GOLGA8H: variants seen among roughly 807,000 people sequenced by gnomAD.
The protein encoded by GOLGA8H is golgin subfamily A member 8H.
GOLGA8H carries 47 observed loss-of-function variants against 82.7 expected under a neutral mutation model. That is an observed-to-expected ratio of 0.57 (90% CI 0.45 to 0.73). The LOEUF is 0.73. GOLGA8H is among the 30% of genes least tolerant of loss of function. The probability of loss-of-function intolerance (pLI) is 0.00; values close to 1 mark genes in which losing one functional copy is unlikely to be tolerated. For missense variants in GOLGA8H, 372 were observed against 661.0 expected (o/e 0.56, Z 4.79); for synonymous variants, 108 against 241.6 (o/e 0.45, Z 5.13).
In GOLGA8H at chr15:30,614,721, TAAAAG is replaced by T. The variant is rs1358905540; in HGVS notation, c.*162_*166del. ...AGTTTTAAGTTTATTTGTAAAAAGT[TAAAAG>T]AGAGTGGGTGTCTGTGGCTCTCACT... On this transcript the variant is annotated 3_prime_UTR_variant, in exon 19 of 19. Transcript: ENST00000566740. 1.4e-5 allele frequency among the ~76,000 whole-genome samples: 2 copies of T among 147,336 alleles called. No homozygotes were observed. Among genetic ancestry groups the T allele is most frequent in the African/African-American group, 5.0e-5 (2 of 39,954 alleles).
At chr15:30,612,512 C>G in intron 13 of GOLGA8H, 85 bp from the exon 14 acceptor site, 1 of 1,303,130 alleles carries the variant, frequency 7.7e-7, no homozygotes. Context: ...GCAGGAGACC[C>G]AGGGGAGGGA....
At chr15:30,608,407 G>T in intron 6 of GOLGA8H, 29 bp downstream of exon 6, 5 of 1,571,506 alleles carry the variant, frequency 3.2e-6, no homozygotes, top group Non-Finnish European at 4.3e-6. Flanking sequence ...GTTTCCTCCT[G>T]TCCTCCGGAG....
In GOLGA8H at chr15:30,613,380, G is replaced by C. The variant is rs1457828016; in HGVS notation, c.1368+185G>C. Among the ~76,000 whole-genome samples the C allele has an allele frequency of 5.3e-5, 5 of 93,544 alleles. 1 individual carries two copies. The highest frequency in any genetic ancestry group is 9.5e-5 in the Admixed American group (1 of 10,532). 61.4% of individuals were successfully genotyped at this position (93,544 alleles called of 152,430 possible). A position where few individuals can be genotyped will look rare whatever the true frequency, so the allele number is the denominator to read the frequency against. On this transcript the variant is annotated intron_variant, in intron 15 of 18. Transcript: ENST00000566740. Reference sequence around the variant, plus strand: ...ACTCTCTGAGGCTCCAAGGGAAGGGGCTGCGCTCCACCTCTCTGCCCCATT... The same window carrying C: ...ACTCTCTGAGGCTCCAAGGGAAGGGCCTGCGCTCCACCTCTCTGCCCCATT...
At position 30,617,690 on chromosome 15, in the gene GOLGA8H, G is replaced by A. The variant is rs2060118891; in HGVS notation, c.*3129G>A. 1 of 152,242 alleles carries A rather than the reference G, an allele frequency of 6.6e-6. No homozygotes were observed. The highest frequency in any genetic ancestry group is 1.5e-5 in the Non-Finnish European group (1 of 68,014). The allele number at this position is 152,242 out of a possible 1,614,324, so 9.4% of individuals were successfully genotyped here. The stretch of plus-strand genomic sequence containing the variant: ...AAATACTGAAAGATTTTTCCCTAGA[G>A]TGGCCTTATTGACTGCTGGTGTGAT... On this transcript the variant is annotated 3_prime_UTR_variant, in exon 19 of 19. Transcript: ENST00000566740.
intron 15 of GOLGA8H, 47 bp downstream of exon 15, chr15:30,613,242 TC>T: frequency 2.0e-6 from 1 of 498,746 alleles, no homozygotes; most frequent in Non-Finnish European, 3.5e-6. Flanking sequence ...TTCTCTGTGG[TC>T]CCTCCAAGAC....
rs1468708263 is a variant in GOLGA8H at position 30,616,777 on chromosome 15, T to C, written c.*2216T>C. Among the ~76,000 whole-genome samples the C allele has an allele frequency of 6.7e-6, 1 of 148,820 alleles. No homozygotes were observed. The highest frequency in any genetic ancestry group is 1.5e-5 in the Non-Finnish European group (1 of 67,252). ...TCTGAAACTGGGTTTATCTAATACATTGATAAATTATTGCAAAGGTACTTT... is the reference window on the plus strand; with the variant it reads ...TCTGAAACTGGGTTTATCTAATACACTGATAAATTATTGCAAAGGTACTTT... On this transcript the variant is annotated 3_prime_UTR_variant, in exon 19 of 19. Transcript: ENST00000566740.
At position 30,613,328 on chromosome 15, in the gene GOLGA8H, T is replaced by A. The variant is rs76155160; in HGVS notation, c.1368+133T>A. On this transcript the variant is annotated intron_variant, in intron 15 of 18. Transcript: ENST00000566740. ...CCCTTCCGAGAGCCAGTGGTCAGACTCCATTTCACCTGTGGCCAACAGGTG... is the reference window on the plus strand; with the variant it reads ...CCCTTCCGAGAGCCAGTGGTCAGACACCATTTCACCTGTGGCCAACAGGTG... 1,041 of 746,420 alleles carry A rather than the reference T, an allele frequency of 1.4e-3. 231 individuals are homozygous for A. Among genetic ancestry groups the A allele is most frequent in the African/African-American group, 4.3e-3 (120 of 27,742 alleles). 46.2% of individuals were successfully genotyped at this position (746,420 alleles called of 1,614,324 possible).
rs1450029303 is a variant in GOLGA8H, at chr15:30,617,203, T to C, written c.*2642T>C. On this transcript the variant is annotated 3_prime_UTR_variant, in exon 19 of 19. Transcript: ENST00000566740. ...GGAATGTTAGAGTTCATCAGAAACA[T>C]AGAATTTTAAACTGTGAGTTCCACT... 3 of 150,758 alleles carry C rather than the reference T, an allele frequency of 2.0e-5. No homozygotes were observed. Among genetic ancestry groups the C allele is most frequent in the Non-Finnish European group, 3.0e-5 (2 of 67,662 alleles). The allele number at this position is 150,758 out of a possible 1,614,324, so 9.3% of individuals were successfully genotyped here. A position where few individuals can be genotyped will look rare whatever the true frequency, so the allele number is the denominator to read the frequency against.
intron 2 of GOLGA8H, 25 bp downstream of exon 2, chr15:30,605,987 T>G: frequency 1.9e-6 from 3 of 1,588,006 alleles, no homozygotes; most frequent in Non-Finnish European, 2.6e-6. Context: ...ACCAGGCTTC[T>G]GGGGACAGGG....
Position 30,610,124 on chromosome 15 carries a change from A to C in GOLGA8H, c.786+18A>C. 4 of 1,610,230 alleles carry C rather than the reference A, an allele frequency of 2.5e-6. No homozygotes were observed. The highest frequency in any genetic ancestry group is 3.4e-6 in the Non-Finnish European group (4 of 1,179,142). ...CGCAGGAGGTGAGATCTCACCCTTCAGCCCCCCCACATTAGATAGGTCACT... is the reference window on the plus strand; with the variant it reads ...CGCAGGAGGTGAGATCTCACCCTTCCGCCCCCCCACATTAGATAGGTCACT... On this transcript the variant is annotated intron_variant, in intron 10 of 18. Coordinates refer to ENST00000566740, the MANE Select transcript of GOLGA8H (RefSeq NM_001282490.2).
Position 30,608,730 on chromosome 15 carries a change from G to C in GOLGA8H, c.565G>C (p.Ala189Pro). The C allele has an allele frequency of 6.6e-7, 1 of 1,510,466 alleles. No homozygotes were observed. Among genetic ancestry groups the C allele is most frequent in the Admixed American group, 1.9e-5 (1 of 52,908 alleles). 93.6% of individuals were successfully genotyped at this position (1,510,466 alleles called of 1,614,324 possible). A position where few individuals can be genotyped will look rare whatever the true frequency, so the allele number is the denominator to read the frequency against. Residue 189 changes from alanine (A) to proline (P), a missense_variant, in exon 8 of 19, where the codon GCC (alanine) becomes CCC (proline). Transcript: ENST00000566740. ...AGAGAGTGTTCTCTCTAATGTCATG[G>C]CCACACAGAAGAAGAAGGCAAACCA... ...ELESVLSNVM[A>P]TQKKKANQLS... is the part of the protein sequence containing the mutation.
In GOLGA8H at chr15:30,610,935, G is replaced by A; in HGVS notation, c.1044G>A (p.Glu348=). The A allele has an allele frequency of 1.4e-6, 1 of 711,348 alleles. No individual in the cohort carries two copies. Among genetic ancestry groups the A allele is most frequent in the Non-Finnish European group, 2.2e-6 (1 of 455,300 alleles). The allele number at this position is 711,348 out of a possible 1,614,324, so 44.1% of individuals were successfully genotyped here. ...RQEERIQEQE[E]RLRKQEERIQ... ...AAGAGAGGATTCAGGAGCAGGAAGA[G>A]AGGCTTCGGAAGCAGGAGGAGAGGA... Residue 348 remains glutamate (E), a synonymous_variant, in exon 12 of 19, where the codon GAG becomes GAA. Coordinates refer to ENST00000566740, the MANE Select transcript of GOLGA8H (RefSeq NM_001282490.2).
intron 13 of GOLGA8H, 28 bp from the exon 14 acceptor site, chr15:30,612,569 C>G: frequency 6.3e-7 from 1 of 1,593,614 alleles, no homozygotes; most frequent in Non-Finnish European, 8.5e-7. Context: ...CAAACTCCAC[C>G]CCTTCTCACT....
In GOLGA8H at chr15:30,612,565, C is replaced by G. The variant is rs758314262; in HGVS notation, c.1201-32C>G. 55 of 1,591,728 alleles carry G rather than the reference C, an allele frequency of 3.5e-5. 1 individual carries two copies. Among genetic ancestry groups the G allele is most frequent in the Middle Eastern group, 4.3e-4 (2 of 4,628 alleles). On this transcript the variant is annotated intron_variant, in intron 13 of 18. Transcript: ENST00000566740. ...TGTGAGGGGGACGACCTGGCAAACTCCACCCCTTCTCACTCTGTCCTGGCC... is the reference window on the plus strand; with the variant it reads ...TGTGAGGGGGACGACCTGGCAAACTGCACCCCTTCTCACTCTGTCCTGGCC...
chr15:30,615,527 A>C lies in GOLGA8H; in HGVS notation c.*966A>C, dbSNP rs2060094478. ...CACATGACTACATGTCCCAGTACAC[A>C]AAAGGGCACTGGTTGGCATTCTTCT... is the stretch of plus-strand genomic sequence containing the variant. On this transcript the variant is annotated 3_prime_UTR_variant, in exon 19 of 19. Coordinates refer to ENST00000566740, the MANE Select transcript of GOLGA8H (RefSeq NM_001282490.2). Among the ~76,000 whole-genome samples, 1 of 150,418 alleles carries C rather than the reference A, an allele frequency of 6.6e-6. No homozygotes were observed. The highest frequency in any genetic ancestry group is 2.5e-5 in the African/African-American group (1 of 40,748).
intron 8 of GOLGA8H, 69 bp downstream of exon 8, chr15:30,608,825 C>G: frequency 7.7e-7 from 1 of 1,301,936 alleles, no homozygotes; most frequent in Non-Finnish European, 1.1e-6. Context: ...GCCTAAAGGT[C>G]CCTTCTGCAG....
intron 8 of GOLGA8H, 103 bp from the exon 9 acceptor site, chr15:30,609,703 C>T: frequency 6.7e-7 from 1 of 1,487,926 alleles, no homozygotes; most frequent in Non-Finnish European, 9.3e-7. Context: ...TTGATCTTTA[C>T]TGACTGAGTT....
In GOLGA8H at chr15:30,615,311, C is replaced by A. The variant is rs1027003496; in HGVS notation, c.*750C>A. On this transcript the variant is annotated 3_prime_UTR_variant, in exon 19 of 19. Transcript: ENST00000566740. Reference sequence around the variant, plus strand: ...GTGGTTCCCTTAGGATTTGTATGTGCTCTGGGCTCATGAAGATACTGCATC... The same window carrying A: ...GTGGTTCCCTTAGGATTTGTATGTGATCTGGGCTCATGAAGATACTGCATC... 2.6e-5 allele frequency among the ~76,000 whole-genome samples: 4 copies of A among 151,906 alleles called. No homozygotes were observed. Among genetic ancestry groups the A allele is most frequent in the African/African-American group, 9.6e-5 (4 of 41,484 alleles).
intron 8 of GOLGA8H, among the ~76,000 whole-genome samples, chr15:30,609,579 T>A (rs2059983404): frequency 6.6e-6 from 1 of 151,010 alleles, no homozygotes. Context: ...ACAATAGCAA[T>A]ATTATCTGAT....
Sources: allele counts gnomAD v4.1 joint callset (sites outside exome capture counted in the v4.1 genomes callset), GRCh38; gene constraint gnomAD v4.1.1; transcripts MANE v1.5; gene names NCBI Gene and HGNC (gene_info 2026-07-23, HGNC 2026-07-21).